The following RBM20 variants were observed in gnomAD, a reference collection of about 807,000 sequenced individuals.
The protein encoded by RBM20 is RNA-binding protein 20.
Under a neutral mutation model 110.1 loss-of-function variants are expected in RBM20, and 51 were observed. That is an observed-to-expected ratio of 0.46 (90% CI 0.37 to 0.59). The LOEUF (loss-of-function observed/expected upper bound fraction) is 0.59, where lower values mean the gene tolerates loss of function less well. Among genes scored for constraint, RBM20 ranks in the 20% least tolerant of loss-of-function variants. RBM20 has a pLI of 0.00. For missense variants in RBM20, 1,512 were observed against 1,574.9 expected, an observed-to-expected ratio of 0.96 and a Z score of 0.68; for synonymous variants, 589 against 618.2, an observed-to-expected ratio of 0.95 and a Z score of 0.70.
intron 1 of RBM20, among the ~76,000 whole-genome samples, chr10:110,656,864 C>G (rs1295714945): frequency 6.6e-6 from 1 of 152,150 alleles, no homozygotes; most frequent in Non-Finnish European, 1.5e-5. Flanking sequence ...TTTTCTTTGT[C>G]CATTCATCTA....
chr10:110,823,334 T>C (rs1844938390), intron 11 of RBM20, 146 bp from the exon 12 acceptor site: 1 of 1,045,396 alleles, frequency 9.6e-7, no homozygotes, highest in Non-Finnish European at 1.3e-6. Context: ...TAGCAACCAT[T>C]GCCCCAGCCT....
Position 110,767,218 on chromosome 10 carries a change from C to A in RBM20, c.192-13583C>A, listed in dbSNP as rs1844108283. On this transcript the variant is annotated intron_variant, in intron 1 of 13. Transcript: ENST00000369519. Reference sequence around the variant, plus strand: ...GCGGCTGGCCGGGCGGGGGGGCTGACCCCCCCACCTCCCTCCCGGACGGGG... The same window carrying A: ...GCGGCTGGCCGGGCGGGGGGGCTGAACCCCCCACCTCCCTCCCGGACGGGG... Among the ~76,000 whole-genome samples, 8 of 131,632 alleles carry A rather than the reference C, an allele frequency of 6.1e-5. No homozygotes were observed. The South Asian group carries it at 1.8e-3, about 29-fold the overall frequency. 86.4% of individuals were successfully genotyped at this position (131,632 alleles called of 152,430 possible).
chr10:110,715,688 G>C lies in RBM20; in HGVS notation c.192-65113G>C, dbSNP rs1175377673. Among the ~76,000 whole-genome samples the C allele has an allele frequency of 2.0e-5, 3 of 152,206 alleles. No homozygotes were observed. In the East Asian group the frequency reaches 5.8e-4, roughly 29 times the overall value. On this transcript the variant is annotated intron_variant, in intron 1 of 13. Transcript: ENST00000369519. The stretch of plus-strand genomic sequence containing the variant: ...CTCCATATGATTCCTCAGGGACTCA[G>C]GATGACTGGGGTTCCACCATCTTAT...
chr10:110,649,720 C>T (rs1350802134), intron 1 of RBM20, among the ~76,000 whole-genome samples: 2 of 152,102 alleles, frequency 1.3e-5, no homozygotes, highest in Non-Finnish European at 2.9e-5. Flanking sequence ...CTGGTAGCTG[C>T]GTTTAGAGTG....
Position 110,672,278 on chromosome 10 carries a change from T to C in RBM20, c.191+27633T>C, listed in dbSNP as rs2000083. ...CTGGTGGCCGGAGAGGTCGCAGCAC[T>C]TGTCAGTTTATGGCTCCCTCGGCTT... On this transcript the variant is annotated intron_variant, in intron 1 of 13. Coordinates refer to ENST00000369519, the MANE Select transcript of RBM20 (RefSeq NM_001134363.3). 8.4e-3 allele frequency among the ~76,000 whole-genome samples: 1,285 copies of C among 152,288 alleles called. 51 individuals carry two copies. The highest frequency in any genetic ancestry group is 0.068 in the Admixed American group (1,046 of 15,304).
intron 13 of RBM20, among the ~76,000 whole-genome samples, chr10:110,833,542 A>G (rs573824757): frequency 6.6e-6 from 1 of 152,250 alleles, no homozygotes; most frequent in Non-Finnish European, 1.5e-5. Flanking sequence ...CTCATCCAGC[A>G]TTTGCAGTAG....
At chr10:110,664,327 C>T (rs909118907) in intron 1 of RBM20, among the ~76,000 whole-genome samples, 1 of 152,208 alleles carries the variant, frequency 6.6e-6, no homozygotes, top group Admixed American at 6.5e-5. Context: ...GAGAAGTACT[C>T]AGAAGCTAAT....
At chr10:110,661,731 CA>C (rs1440349046) in intron 1 of RBM20, among the ~76,000 whole-genome samples, 1 of 152,080 alleles carries the variant, frequency 6.6e-6, no homozygotes, top group Non-Finnish European at 1.5e-5. Flanking sequence ...AAGTAGGGGC[CA>C]GGCACGGTGG....
intron 1 of RBM20, among the ~76,000 whole-genome samples, chr10:110,648,980 G>C (rs781126956): frequency 1.3e-5 from 2 of 152,054 alleles, no homozygotes; most frequent in Non-Finnish European, 2.9e-5. Flanking sequence ...AGTGCTGTAG[G>C]GGGGAAAAGA....
intron 1 of RBM20, among the ~76,000 whole-genome samples, chr10:110,702,632 C>G (rs1330784983): frequency 6.6e-6 from 1 of 152,222 alleles, no homozygotes; most frequent in Non-Finnish European, 1.5e-5. Context: ...TGTTGGGAAC[C>G]TTCTGAAAGA....
chr10:110,766,944 C>A (rs1198373857), intron 1 of RBM20, among the ~76,000 whole-genome samples: 9 of 147,100 alleles, frequency 6.1e-5, no homozygotes, highest in African/African-American at 2.0e-4. Flanking sequence ...GGCGGCTGGC[C>A]GGGCGGGGGG....
intron 11 of RBM20, chr10:110,822,570 C>G (rs1465430025): frequency 2.3e-6 from 1 of 438,602 alleles, no homozygotes; most frequent in Non-Finnish European, 4.6e-6. Flanking sequence ...CCAAGTGGAA[C>G]TTAAGATCCA....
chr10:110,691,445 TTTTG>T (rs1281805813), intron 1 of RBM20, among the ~76,000 whole-genome samples: 4 of 152,198 alleles, frequency 2.6e-5, no homozygotes, highest in Non-Finnish European at 5.9e-5. Flanking sequence ...ACACTTGTTA[TTTTG>T]TTTGTTTTTA....
chr10:110,734,725 A>T (rs1564829284), intron 1 of RBM20, among the ~76,000 whole-genome samples: 1 of 151,528 alleles, frequency 6.6e-6, no homozygotes, highest in Non-Finnish European at 1.5e-5. Flanking sequence ...TTTGTAAAAT[A>T]GGGCTCCTGA....
At chr10:110,716,261 C>T (rs141397239) in intron 1 of RBM20, among the ~76,000 whole-genome samples, 83 of 152,274 alleles carry the variant, frequency 5.5e-4, no homozygotes, top group Admixed American at 1.2e-3. Flanking sequence ...ATGTCTCCCT[C>T]CAGGGCAAGG....
At chr10:110,826,315 A>G (rs1844980103) in intron 12 of RBM20, among the ~76,000 whole-genome samples, 1 of 152,162 alleles carries the variant, frequency 6.6e-6, no homozygotes, top group Admixed American at 6.5e-5. Context: ...TTGACCTATA[A>G]ATATACCTGT....
chr10:110,657,584 G>A (rs992172223), intron 1 of RBM20, among the ~76,000 whole-genome samples: 1 of 152,156 alleles, frequency 6.6e-6, no homozygotes, highest in East Asian at 1.9e-4. Context: ...TTGCAAATAT[G>A]TTCTCCTATT....
At chr10:110,651,389 TGTC>T (rs1861947462) in intron 1 of RBM20, among the ~76,000 whole-genome samples, 1 of 152,214 alleles carries the variant, frequency 6.6e-6, no homozygotes, top group Admixed American at 6.5e-5. Context: ...TAAACACTAA[TGTC>T]AGTGAACAGG....
At chr10:110,774,142 C>T (rs1844231016) in intron 1 of RBM20, among the ~76,000 whole-genome samples, 1 of 152,140 alleles carries the variant, frequency 6.6e-6, no homozygotes, top group African/African-American at 2.4e-5. Context: ...AGTCTTCTTA[C>T]TATAGACTGG....
Sources: allele counts gnomAD v4.1 joint callset (sites outside exome capture counted in the v4.1 genomes callset), GRCh38; gene constraint gnomAD v4.1.1; transcripts MANE v1.5; gene names NCBI Gene and HGNC (gene_info 2026-07-23, HGNC 2026-07-21).